PTPRG: variants seen among roughly 807,000 people sequenced by gnomAD.
PTPRG encodes the protein receptor-type tyrosine-protein phosphatase gamma.
Under a neutral mutation model 165.3 loss-of-function variants are expected in PTPRG, and 102 were observed. The observed-to-expected ratio is 0.62, with a 90% CI of 0.53 to 0.73. The LOEUF is 0.73. Ranked by LOEUF, PTPRG falls within the 30% of genes least tolerant of loss-of-function variation. The pLI, the probability that PTPRG is intolerant of heterozygous loss-of-function variation, is 0.00. For missense variants in PTPRG, 1,866 were observed against 1,861.4 expected (o/e 1.00, Z -0.05); for synonymous variants, 675 against 669.5 (o/e 1.01, Z -0.13).
At chr3:62,269,005 T>C (rs761176920) in intron 19 of PTPRG, 30 bp from the exon 20 acceptor site, 22 of 1,534,794 alleles carry the variant, frequency 1.4e-5, no homozygotes, top group African/African-American at 2.7e-5. Context: ...TAGATTGCAG[T>C]TATACTTTAC....
chr3:61,937,159 C>A (rs1327157586), intron 2 of PTPRG, among the ~76,000 whole-genome samples: 1 of 152,154 alleles, frequency 6.6e-6, no homozygotes, highest in Non-Finnish European at 1.5e-5. Flanking sequence ...TAAAGTCTTT[C>A]CTTGAAAGAT....
chr3:61,769,837 T>G (rs2034151695), intron 2 of PTPRG: 2 of 152,002 alleles, frequency 1.3e-5, no homozygotes, highest in Non-Finnish European at 2.9e-5. Flanking sequence ...CTGTAAAGAG[T>G]AGCACATTCC....
At chr3:62,221,170 T>C (rs776841300) in intron 13 of PTPRG, among the ~76,000 whole-genome samples, 1 of 152,246 alleles carries the variant, frequency 6.6e-6, no homozygotes, top group South Asian at 2.1e-4. Flanking sequence ...TGAGTCCAAA[T>C]GGAAAATATG....
intron 2 of PTPRG, among the ~76,000 whole-genome samples, chr3:61,842,342 C>CAT (rs2036661687): frequency 6.6e-6 from 1 of 152,156 alleles, no homozygotes; most frequent in Admixed American, 6.5e-5. Context: ...CACACAAACA[C>CAT]ATTTATATGC....
At chr3:62,110,818 T>C (rs1702643678) in intron 5 of PTPRG, among the ~76,000 whole-genome samples, 1 of 152,218 alleles carries the variant, frequency 6.6e-6, no homozygotes, top group Admixed American at 6.5e-5. Flanking sequence ...TTGCGAGGGC[T>C]GTAAGTTGGT....
At position 61,627,102 on chromosome 3, in the gene PTPRG, AAT is replaced by A. The variant is rs1491100387; in HGVS notation, c.85+64731_85+64732del. On this transcript the variant is annotated intron_variant, in intron 1 of 29. Coordinates refer to ENST00000474889, the MANE Select transcript of PTPRG (RefSeq NM_002841.4). Reference sequence around the variant, plus strand: ...TTTGAACAAATCAATGTTAAAAGCAAATTTTTTTTTTTGAAGTAGGGAAATTT... The same window carrying A: ...TTTGAACAAATCAATGTTAAAAGCAATTTTTTTTTTGAAGTAGGGAAATTT... 1.0e-2 allele frequency among the ~76,000 whole-genome samples: 287 copies of A among 28,840 alleles called. 1 individual carries two copies. The highest frequency in any genetic ancestry group is 0.051 in the African/African-American group (279 of 5,462). 18.9% of individuals were successfully genotyped at this position (28,840 alleles called of 152,430 possible).
Position 62,273,735 on chromosome 3 carries a change from C to G in PTPRG, c.3356C>G (p.Ala1119Gly), listed in dbSNP as rs1227005967. 19 of 1,613,498 alleles carry G rather than the reference C, an allele frequency of 1.2e-5. No homozygotes were observed. Among genetic ancestry groups the G allele is most frequent in the Non-Finnish European group, 1.5e-5 (18 of 1,179,682 alleles). Residue 1119 changes from alanine (A) to glycine (G), a missense_variant, in exon 23 of 30, where the codon GCC becomes GGC. By Grantham distance (60) the Ala-to-Gly change is moderately conservative. Coordinates refer to ENST00000474889, the MANE Select transcript of PTPRG (RefSeq NM_002841.4). The surrounding 1 kb of genome is among the most constrained non-coding windows in gnomAD (Gnocchi z 4.1). ...YIFIHDALLE[A>G]ILGKETEVSS... Reference sequence around the variant, plus strand: ...TTCATCCATGATGCCTTGTTGGAAGCCATTCTTGGAAAGGAGACTGAAGTA... The same window carrying G: ...TTCATCCATGATGCCTTGTTGGAAGGCATTCTTGGAAAGGAGACTGAAGTA...
chr3:61,618,021 A>C (rs1324367057), intron 1 of PTPRG, among the ~76,000 whole-genome samples: 1 of 152,206 alleles, frequency 6.6e-6, no homozygotes, highest in Non-Finnish European at 1.5e-5. Flanking sequence ...CTAATTATTA[A>C]GCTTACAAAG....
chr3:61,717,316 T>TA (rs1176630424), intron 1 of PTPRG, among the ~76,000 whole-genome samples: 4 of 152,234 alleles, frequency 2.6e-5, no homozygotes, highest in African/African-American at 9.6e-5. Flanking sequence ...TACATATTGT[T>TA]ATTATTCCCA....
chr3:61,912,162 G>C (rs1453741188), intron 2 of PTPRG, among the ~76,000 whole-genome samples: 1 of 151,666 alleles, frequency 6.6e-6, no homozygotes, highest in Middle Eastern at 3.2e-3. Flanking sequence ...GTATTCCTTG[G>C]TACTCTTAGA....
rs572319600 is a variant in PTPRG, at chr3:62,191,926, C to T, written c.1218+273C>T. Among the ~76,000 whole-genome samples, 10 of 152,352 alleles carry T rather than the reference C, an allele frequency of 6.6e-5. No homozygotes were observed. The East Asian group carries it at 1.7e-3, about 26-fold the overall frequency. On this transcript the variant is annotated intron_variant, in intron 9 of 29. Transcript: ENST00000474889. ...AGATTGGTTCCTTTAAAACTGACTG[C>T]TTTTTCTTTCATTATTAACAGCCTC...
chr3:61,874,470 G>A (rs2037668643), intron 2 of PTPRG, among the ~76,000 whole-genome samples: 2 of 151,896 alleles, frequency 1.3e-5, no homozygotes, highest in African/African-American at 2.4e-5. Flanking sequence ...AGAGGTAAAT[G>A]TCTTTCTTTT....
At chr3:61,817,174 TATATAATATATAAAATAATA>T (rs1182769358) in intron 2 of PTPRG, among the ~76,000 whole-genome samples, 5 of 120,782 alleles carry the variant, frequency 4.1e-5, no homozygotes, top group African/African-American at 1.3e-4. Context: ...TATATAATAA[TATATAATATATAAAATAATA>T]TATATAATAA....
chr3:62,079,935 T>C (rs1328644586), intron 5 of PTPRG, among the ~76,000 whole-genome samples: 2 of 152,226 alleles, frequency 1.3e-5, no homozygotes, highest in Non-Finnish European at 2.9e-5. Flanking sequence ...TATGCATCTA[T>C]AGCCCTCCAT....
At chr3:62,281,913 A>C (rs2148889311) in intron 27 of PTPRG, among the ~76,000 whole-genome samples, 1 of 152,096 alleles carries the variant, frequency 6.6e-6, no homozygotes, top group South Asian at 2.1e-4. Context: ...AGTTCCTCTG[A>C]TTCAGCATGC....
chr3:61,991,345 A>G (rs1429673652), intron 3 of PTPRG, among the ~76,000 whole-genome samples: 1 of 152,190 alleles, frequency 6.6e-6, no homozygotes, highest in African/African-American at 2.4e-5. Context: ...AGCTGGGATT[A>G]CAGGCATGTG....
chr3:61,959,659 T>C (rs1036883193), intron 2 of PTPRG, among the ~76,000 whole-genome samples: 1 of 152,142 alleles, frequency 6.6e-6, no homozygotes, highest in African/African-American at 2.4e-5. Flanking sequence ...CGCTCAAAGG[T>C]GCTGGAGAAT....
chr3:61,603,038 T>G (rs1700910820), intron 1 of PTPRG, among the ~76,000 whole-genome samples: 1 of 152,174 alleles, frequency 6.6e-6, no homozygotes, highest in Non-Finnish European at 1.5e-5. Flanking sequence ...CCTTCACATT[T>G]AGTGATGTTA....
intron 2 of PTPRG, among the ~76,000 whole-genome samples, chr3:61,928,631 G>A (rs752752391): frequency 7.9e-5 from 12 of 152,090 alleles, no homozygotes; most frequent in Non-Finnish European, 1.8e-4. Context: ...AGCTTTTATA[G>A]TGTGATACTA....
Sources: allele counts gnomAD v4.1 joint callset (sites outside exome capture counted in the v4.1 genomes callset), GRCh38; gene constraint gnomAD v4.1.1; non-coding constraint Gnocchi (gnomAD v3.1); transcripts MANE v1.5; gene names NCBI Gene and HGNC (gene_info 2026-07-23, HGNC 2026-07-21).